NKAIN2: variants seen among roughly 807,000 people sequenced by gnomAD.
The protein encoded by NKAIN2 is sodium/potassium transporting ATPase interacting 2.
Under a neutral mutation model 32.6 loss-of-function variants are expected in NKAIN2, and 14 were observed. The ratio of observed to expected loss-of-function variants is 0.43; its 90% confidence interval spans 0.28 to 0.67. The LOEUF (loss-of-function observed/expected upper bound fraction) is 0.67. NKAIN2 is among the 30% of genes least tolerant of loss of function. The pLI is 0.17. For synonymous variants in NKAIN2, 80 were observed against 87.2 expected (o/e 0.92, Z 0.46); for missense variants, 198 against 258.3 (o/e 0.77, Z 1.60).
At position 124,460,923 on chromosome 6, in the gene NKAIN2, G is replaced by A. The variant is rs181594530; in HGVS notation, c.273+105576G>A. Among the ~76,000 whole-genome samples the A allele has an allele frequency of 1.3e-3, 200 of 150,612 alleles. 1 individual carries two copies. The highest frequency in any genetic ancestry group is 6.7e-4 in the Non-Finnish European group (45 of 67,382). On this transcript the variant is annotated intron_variant, in intron 3 of 6. Coordinates refer to ENST00000368417, the MANE Select transcript of NKAIN2 (RefSeq NM_001040214.3). ...TTATTTCCCCCCCTTTTAATTTTCT[G>A]CATTCTGGGTGGTTATCTTGAATTG...
At chr6:124,225,779 G>T (rs903875056) in intron 1 of NKAIN2, among the ~76,000 whole-genome samples, 1 of 151,946 alleles carries the variant, frequency 6.6e-6, no homozygotes, top group South Asian at 2.1e-4. Context: ...TTCAGTTGAA[G>T]AATTTTTTGT....
intron 1 of NKAIN2, among the ~76,000 whole-genome samples, chr6:124,169,054 G>A (rs112932202): frequency 9.3e-4 from 142 of 152,154 alleles, no homozygotes; most frequent in African/African-American, 3.4e-3. Context: ...TGTTCAATAT[G>A]TGCTTTAATA....
rs61369548 is a variant in NKAIN2, at chr6:123,955,590, TTTTTATTTTATTTTA to T, written c.54+151371_54+151385del. 9.0e-3 allele frequency among the ~76,000 whole-genome samples: 1,225 copies of T among 136,702 alleles called. 10 individuals are homozygous for T. Among genetic ancestry groups the T allele is most frequent in the Middle Eastern group, 0.018 (5 of 276 alleles). The allele number at this position is 136,702 out of a possible 152,430, so 89.7% of individuals were successfully genotyped here. A position where few individuals can be genotyped will look rare whatever the true frequency, so the allele number is the denominator to read the frequency against. Reference sequence around the variant, plus strand: ...TTACTGTGGGGCTACATTTAAACATTTTTTATTTTATTTTATTTTATTTTATTTTATTTTATTTTA... The same window carrying T: ...TTACTGTGGGGCTACATTTAAACATTTTTTATTTTATTTTATTTTATTTTA... On this transcript the variant is annotated intron_variant, in intron 1 of 6. Coordinates refer to ENST00000368417, the MANE Select transcript of NKAIN2 (RefSeq NM_001040214.3).
chr6:124,323,660 C>G (rs375203212), intron 2 of NKAIN2, among the ~76,000 whole-genome samples: 1 of 151,986 alleles, frequency 6.6e-6, no homozygotes, highest in East Asian at 1.9e-4. Flanking sequence ...GTCAGTCTCT[C>G]TGCCGAAACC....
In NKAIN2 at chr6:124,405,817, G is replaced by A. The variant is rs191314220; in HGVS notation, c.273+50470G>A. 5.3e-4 allele frequency among the ~76,000 whole-genome samples: 81 copies of A among 151,976 alleles called. 2 individuals carry two copies. Among genetic ancestry groups the A allele is most frequent in the Non-Finnish European group, 1.0e-4 (7 of 67,976 alleles). On this transcript the variant is annotated intron_variant, in intron 3 of 6. Coordinates refer to ENST00000368417, the MANE Select transcript of NKAIN2 (RefSeq NM_001040214.3). ...AATACATTTTGCATTGCCTGGATTC[G>A]GAAATATAAGACAAAGTAAAACAAA...
rs145729363 is a variant in NKAIN2 at position 124,321,329 on chromosome 6, G to A, written c.193-33938G>A. On this transcript the variant is annotated intron_variant, in intron 2 of 6. Coordinates refer to ENST00000368417, the MANE Select transcript of NKAIN2 (RefSeq NM_001040214.3). ...ACACTGGGGCCTGTCATGGGGTGGG[G>A]ACTAGGGGAAGAATACCATTAGGAG... 3.2e-3 allele frequency among the ~76,000 whole-genome samples: 487 copies of A among 152,170 alleles called. 2 individuals carry two copies. Among genetic ancestry groups the A allele is most frequent in the African/African-American group, 0.01 (427 of 41,522 alleles).
At chr6:124,454,187 C>T (rs531907200) in intron 3 of NKAIN2, among the ~76,000 whole-genome samples, 7 of 150,412 alleles carry the variant, frequency 4.7e-5, no homozygotes, top group African/African-American at 1.7e-4. Context: ...ATGTTGACTT[C>T]TGCCCTTAGT....
intron 4 of NKAIN2, among the ~76,000 whole-genome samples, chr6:124,731,843 A>C (rs991733073): frequency 9.2e-5 from 14 of 152,122 alleles, no homozygotes; most frequent in African/African-American, 3.4e-4. Flanking sequence ...CTACATAACA[A>C]TCTAAATATT....
At chr6:124,278,269 C>T (rs568286360) in intron 1 of NKAIN2, among the ~76,000 whole-genome samples, 23 of 152,098 alleles carry the variant, frequency 1.5e-4, no homozygotes, top group Non-Finnish European at 2.8e-4. Flanking sequence ...ACTAAATCCT[C>T]TCCTATGAAG....
intron 3 of NKAIN2, among the ~76,000 whole-genome samples, chr6:124,589,633 T>G (rs1022373443): frequency 1.3e-5 from 2 of 152,212 alleles, no homozygotes; most frequent in Non-Finnish European, 2.9e-5. Flanking sequence ...AAATTACATA[T>G]TCAAATGTAG....
rs555134073 is a variant in NKAIN2, at chr6:124,456,538, T to C, written c.273+101191T>C. On this transcript the variant is annotated intron_variant, in intron 3 of 6. Coordinates refer to ENST00000368417, the MANE Select transcript of NKAIN2 (RefSeq NM_001040214.3). ...CTTTAATTTGCTTGATCTAATAACG[T>C]GGAATATGTTATAGTTTCACTTCAG... Among the ~76,000 whole-genome samples, 11 of 152,096 alleles carry C rather than the reference T, an allele frequency of 7.2e-5. No individual in the cohort carries two copies. In the East Asian group the frequency reaches 2.1e-3, roughly 29 times the overall value.
intron 4 of NKAIN2, among the ~76,000 whole-genome samples, chr6:124,698,862 A>C (rs903325265): frequency 6.6e-6 from 1 of 152,190 alleles, no homozygotes; most frequent in Non-Finnish European, 1.5e-5. Flanking sequence ...TATGCATCCC[A>C]TAGTTTTGTC....
At chr6:124,581,428 A>G (rs10081122) in intron 3 of NKAIN2, among the ~76,000 whole-genome samples, 15,045 of 142,460 alleles carry the variant, frequency 0.11, 1,033 homozygotes, top group African/African-American at 0.19. Context: ...CCTGGGCAAC[A>G]GAGCGAGACT....
chr6:124,690,358 A>T (rs1774198459), intron 4 of NKAIN2, among the ~76,000 whole-genome samples: 3 of 152,058 alleles, frequency 2.0e-5, no homozygotes, highest in Admixed American at 2.0e-4. Context: ...ATTTCTTTAG[A>T]TTTTCTACAT....
chr6:123,932,406 CTTTTTTTTTTTTTT>C (rs57063550), intron 1 of NKAIN2, among the ~76,000 whole-genome samples: 3,728 of 104,594 alleles, frequency 0.036, 140 homozygotes, highest in African/African-American at 0.13. Context: ...TTCTGTCTTT[CTTTTTTTTTTTTTT>C]TTTTTTTTTT....
chr6:124,471,725 ATG>A (rs1776981227), intron 3 of NKAIN2, among the ~76,000 whole-genome samples: 1 of 152,166 alleles, frequency 6.6e-6, no homozygotes. Context: ...AAGATACTCA[ATG>A]AGAAGTTCTT....
intron 2 of NKAIN2, among the ~76,000 whole-genome samples, chr6:124,286,336 C>CT (rs1159551503): frequency 6.6e-6 from 1 of 151,818 alleles, no homozygotes; most frequent in Non-Finnish European, 1.5e-5. Flanking sequence ...ATACTCTCGT[C>CT]TTTTTTTGTG....
At chr6:124,683,232 A>T (rs1400664561) in intron 4 of NKAIN2, among the ~76,000 whole-genome samples, 1 of 152,186 alleles carries the variant, frequency 6.6e-6, no homozygotes, top group African/African-American at 2.4e-5. Context: ...AGGATCACAG[A>T]TTCTCAACCC....
chr6:124,264,704 G>A (rs1794409037), intron 1 of NKAIN2, among the ~76,000 whole-genome samples: 1 of 152,100 alleles, frequency 6.6e-6, no homozygotes, highest in South Asian at 2.1e-4. Flanking sequence ...AGCTACCATA[G>A]CCTTATCATT....
Sources: gnomAD v4.1 joint callset for allele counts (sites outside exome capture counted in the v4.1 genomes callset) on GRCh38, gnomAD v4.1.1 for gene constraint, MANE v1.5 for transcripts, NCBI Gene and HGNC (gene_info 2026-07-23, HGNC 2026-07-21) for gene names.